The following DOCK11 variants were observed in gnomAD, a reference collection of about 807,000 sequenced individuals.
DOCK11 encodes the protein dedicator of cytokinesis protein 11.
DOCK11 carries 70 observed loss-of-function variants against 169.1 expected under a neutral mutation model. That is an observed-to-expected ratio of 0.41 (90% CI 0.34 to 0.51). The LOEUF (loss-of-function observed/expected upper bound fraction) is 0.51. Among genes scored for constraint, DOCK11 ranks in the 20% least tolerant of loss-of-function variants. DOCK11 has a pLI of 0.10. For missense variants in DOCK11, 1,166 were observed against 1,538.8 expected, an observed-to-expected ratio of 0.76 and a Z score of 4.05; for synonymous variants, 529 against 541.3, an observed-to-expected ratio of 0.98 and a Z score of 0.32.
intron 1 of DOCK11, among the ~76,000 whole-genome samples, chrX:118,531,992 ACTT>A (rs1452990565): frequency 9.0e-6 from 1 of 111,374 alleles, no homozygotes; most frequent in African/African-American, 3.3e-5. Context: ...AACTCTTAAG[ACTT>A]CTTTTAAATG....
chrX:118,551,378 CTTTA>C (rs2012486844), intron 6 of DOCK11, among the ~76,000 whole-genome samples: 1 of 112,050 alleles, frequency 8.9e-6, no homozygotes, highest in African/African-American at 3.2e-5. Flanking sequence ...GTTTAAGCGT[CTTTA>C]TTCATTAAGA....
chrX:118,561,197 A>G (rs968627981), intron 6 of DOCK11, among the ~76,000 whole-genome samples, 186 bp from the exon 7 acceptor site: 1 of 112,067 alleles, frequency 8.9e-6, no homozygotes, highest in Non-Finnish European at 1.9e-5. Context: ...AGGGTAAATC[A>G]TGTGATTTTC....
At chrX:118,659,903 C>T (rs1412343043) in intron 44 of DOCK11, among the ~76,000 whole-genome samples, 1 of 112,297 alleles carries the variant, frequency 8.9e-6, no homozygotes, top group African/African-American at 3.2e-5. Flanking sequence ...AAAAGCCCTA[C>T]ATTTGGAAAT....
intron 1 of DOCK11, among the ~76,000 whole-genome samples, chrX:118,534,755 G>T (rs1028179815): frequency 8.9e-6 from 1 of 111,985 alleles, no homozygotes. Flanking sequence ...CTATTTAGCT[G>T]GTTATCCCTA....
Position 118,566,641 on chromosome X carries a change from G to A in DOCK11, c.939G>A (p.Pro313=), listed in dbSNP as rs746241641. 34 of 1,207,363 alleles carry A rather than the reference G, an allele frequency of 2.8e-5. No individual in the cohort carries two copies. The highest frequency in any genetic ancestry group is 1.6e-5 in the Non-Finnish European group (14 of 893,452). The change falls in exon 9 of 53, where the codon CCG becomes CCA. Residue 313 remains proline, a synonymous_variant. Transcript: ENST00000276202. ...CAAGTTTGGAAAGGAGCATGCATCC[G>A]GAACTGATGAAGGTACATCTTTCAT... ...IMASLERSMH[P]ELMKYGRETE... is the part of the protein sequence containing the mutation.
intron 35 of DOCK11, among the ~76,000 whole-genome samples, chrX:118,634,730 T>C (rs2015342710): frequency 8.9e-6 from 1 of 112,034 alleles, no homozygotes; most frequent in South Asian, 3.7e-4. Context: ...TATATTTTTT[T>C]AATTTAATTT....
chrX:118,676,190 C>G (rs2016605736), intron 47 of DOCK11, 141 bp downstream of exon 47: 3 of 416,007 alleles, frequency 7.2e-6, no homozygotes, highest in Non-Finnish European at 1.2e-5. Flanking sequence ...ATAAAGTTCA[C>G]TTTGGTTCTC....
At position 118,629,920 on chromosome X, in the gene DOCK11, G is replaced by A. The variant is rs56303636; in HGVS notation, c.3775-459G>A. ...TCCTCCCACCTGAGCGTCCCAAAAC[G>A]CTGGGTCTACAGGTGTGGGCTACTG... is the stretch of plus-strand genomic sequence containing the variant. On this transcript the variant is annotated intron_variant, in intron 34 of 52. Coordinates refer to ENST00000276202, the MANE Select transcript of DOCK11 (RefSeq NM_144658.4). Among the ~76,000 whole-genome samples, 593 of 105,468 alleles carry A rather than the reference G, an allele frequency of 5.6e-3. 4 individuals are homozygous for A. The highest frequency in any genetic ancestry group is 8.4e-3 in the Non-Finnish European group (438 of 51,861). 91.6% of individuals were successfully genotyped at this position (105,468 alleles called of 115,157 possible). A position where few individuals can be genotyped will look rare whatever the true frequency, so the allele number is the denominator to read the frequency against.
At position 118,585,057 on chromosome X, in the gene DOCK11, C is replaced by T. The variant is rs752382337; in HGVS notation, c.1735C>T (p.Leu579=). 2 of 1,210,010 alleles carry T rather than the reference C, an allele frequency of 1.7e-6. No individual in the cohort carries two copies. The highest frequency in any genetic ancestry group is 2.2e-6 in the Non-Finnish European group (2 of 893,992). ...TATACCCAGGCCAGAAAAGACCAAA[C>T]TGCAGATTATTCCTGGGCAGCTAAA... ...SEYKKPEKTK[L]QIIPGQLNIT... is the part of the protein sequence containing the mutation. Residue 579 remains leucine, a synonymous_variant, in exon 16 of 53, where the codon CTG becomes TTG. Coordinates refer to ENST00000276202, the MANE Select transcript of DOCK11 (RefSeq NM_144658.4).
intron 21 of DOCK11, 143 bp from the exon 22 acceptor site, chrX:118,597,887 A>G (rs2014217692): frequency 2.5e-6 from 1 of 397,427 alleles, no homozygotes; most frequent in Non-Finnish European, 4.2e-6. Context: ...CATTTATTCT[A>G]AAGGCAGGGT....
chrX:118,624,612 C>T lies in DOCK11; in HGVS notation c.3545C>T (p.Ala1182Val), dbSNP rs2015051858. 1 of 1,207,963 alleles carries T rather than the reference C, an allele frequency of 8.3e-7. No individual in the cohort carries two copies. Among genetic ancestry groups the T allele is most frequent in the African/African-American group, 1.7e-5 (1 of 57,681 alleles). ...CTTTTGGAAAATATACAGCGATTAG[C>T]AGGTCGAGATACCTTGTATTCTTGT... ...GLLLENIQRL[A>V]GRDTLYSCAA... Residue 1182 changes from alanine (A) to valine (V), a missense_variant, in exon 32 of 53, where the codon GCA (alanine) becomes GTA (valine). Ala to Val is a moderately conservative substitution (Grantham distance 64). Coordinates refer to ENST00000276202, the MANE Select transcript of DOCK11 (RefSeq NM_144658.4).
chrX:118,519,068 T>A (rs1454395731), intron 1 of DOCK11, among the ~76,000 whole-genome samples: 3 of 112,290 alleles, frequency 2.7e-5, no homozygotes, highest in Admixed American at 9.5e-5. Context: ...AATATTTTTT[T>A]AAAAAAACTT....
At chrX:118,654,985 A>G in intron 44 of DOCK11, 24 bp downstream of exon 44, 5 of 1,173,619 alleles carry the variant, frequency 4.3e-6, no homozygotes, top group Non-Finnish European at 5.8e-6. Flanking sequence ...GTTTTTAGAG[A>G]TGGGGGGATT....
rs1251137785 is a variant in DOCK11 at position 118,580,630 on chromosome X, CTTAAACT to C, written c.1595+454_1595+460del. On this transcript the variant is annotated intron_variant, in intron 14 of 52. Coordinates refer to ENST00000276202, the MANE Select transcript of DOCK11 (RefSeq NM_144658.4). ...CTGTGCCCGGCCAAGAATGCTTTCT[CTTAAACT>C]TTGCTGTGCATCAAAGACCCTCTCA... Among the ~76,000 whole-genome samples, 6 of 109,179 alleles carry C rather than the reference CTTAAACT, an allele frequency of 5.5e-5. No individual in the cohort carries two copies. The Admixed American group carries it at 5.8e-4, about 11-fold the overall frequency. 94.8% of individuals were successfully genotyped at this position (109,179 alleles called of 115,157 possible). A position where few individuals can be genotyped will look rare whatever the true frequency, so the allele number is the denominator to read the frequency against.
At chrX:118,509,613 G>C (rs1321312734) in intron 1 of DOCK11, among the ~76,000 whole-genome samples, 2 of 112,308 alleles carry the variant, frequency 1.8e-5, no homozygotes, top group Non-Finnish European at 3.8e-5. Context: ...AAAGTGCCTG[G>C]GATAACGCAG....
chrX:118,563,267 A>T (rs2012967820), intron 7 of DOCK11, among the ~76,000 whole-genome samples: 1 of 111,427 alleles, frequency 9.0e-6, no homozygotes, highest in Admixed American at 9.6e-5. Context: ...ATCAAACAAG[A>T]TTGTTGTGAG....
intron 40 of DOCK11, among the ~76,000 whole-genome samples, chrX:118,646,259 G>T (rs1020305160): frequency 1.8e-5 from 2 of 110,913 alleles, no homozygotes; most frequent in Non-Finnish European, 3.8e-5. Context: ...TAGTGAACTA[G>T]CGGGAGCATC....
intron 34 of DOCK11, among the ~76,000 whole-genome samples, chrX:118,629,536 T>A (rs765421089): frequency 2.7e-4 from 30 of 112,235 alleles, no homozygotes; most frequent in South Asian, 1.1e-3. Flanking sequence ...TGATATTTTT[T>A]AAAAAGTCAT....
intron 31 of DOCK11, among the ~76,000 whole-genome samples, chrX:118,619,363 A>G (rs1039858499): frequency 1.8e-4 from 18 of 102,699 alleles, no homozygotes; most frequent in South Asian, 4.7e-4. Context: ...AGTCTTAGTT[A>G]CTCGGGAGGC....
Sources: gnomAD v4.1 joint callset for allele counts (sites outside exome capture counted in the v4.1 genomes callset) on GRCh38, gnomAD v4.1.1 for gene constraint, MANE v1.5 for transcripts, NCBI Gene and HGNC (gene_info 2026-07-23, HGNC 2026-07-21) for gene names.